Variants in TMEM71 observed in about 807,000 individuals in gnomAD.
TMEM71 encodes transmembrane protein 71.
Under a neutral mutation model 38.0 loss-of-function variants are expected in TMEM71, and 44 were observed. The ratio of observed to expected loss-of-function variants is 1.16; its 90% CI spans 0.91 to 1.49. TMEM71 has a LOEUF of 1.49. TMEM71 is among the 40% of genes most tolerant of loss of function. The probability of loss-of-function intolerance (pLI) is 0.00; values close to 1 mark genes in which losing one functional copy is unlikely to be tolerated. For synonymous variants in TMEM71, 133 were observed against 122.5 expected (o/e 1.09, Z -0.56); for missense variants, 367 against 348.6 (o/e 1.05, Z -0.42).
chr8:132,748,521 G>A (rs573068745), intron 4 of TMEM71, among the ~76,000 whole-genome samples: 1 of 152,254 alleles, frequency 6.6e-6, no homozygotes, highest in African/African-American at 2.4e-5. Flanking sequence ...CTCTGTCATA[G>A]GTTTCAGGAA....
intron 7 of TMEM71, 86 bp from the exon 8 acceptor site, chr8:132,714,301 G>T: frequency 9.9e-7 from 1 of 1,010,250 alleles, no homozygotes; most frequent in Non-Finnish European, 1.5e-6. Context: ...ATAGAATTAT[G>T]ATTTCAAGGT....
intron 9 of TMEM71, among the ~76,000 whole-genome samples, chr8:132,711,999 A>G (rs1219051187): frequency 6.6e-6 from 1 of 152,148 alleles, no homozygotes; most frequent in Non-Finnish European, 1.5e-5. Flanking sequence ...TATAAGAAGG[A>G]GAGGGTTGCA....
chr8:132,765,244 T>C (rs1366700864), upstream of TMEM71, among the ~76,000 whole-genome samples: 2 of 152,196 alleles, frequency 1.3e-5, no homozygotes, highest in Non-Finnish European at 1.5e-5. Flanking sequence ...AAGATGAAAG[T>C]GGAGCTGAAG....
intron 4 of TMEM71, among the ~76,000 whole-genome samples, chr8:132,748,415 C>T (rs1828510893): frequency 6.6e-6 from 1 of 152,198 alleles, no homozygotes. Context: ...CATTAAACAT[C>T]CTACAATGCA....
At chr8:132,740,202 A>G (rs1186083900) in intron 5 of TMEM71, among the ~76,000 whole-genome samples, 1 of 151,280 alleles carries the variant, frequency 6.6e-6, no homozygotes, top group Non-Finnish European at 1.5e-5. Flanking sequence ...ATCCCCCCTC[A>G]CTCACTCAGC....
chr8:132,757,559 T>G (rs2433055), intron 2 of TMEM71, among the ~76,000 whole-genome samples: 61,764 of 151,848 alleles, frequency 0.41, 12,723 homozygotes, highest in Non-Finnish European at 0.44. Flanking sequence ...GGGCGCAGTG[T>G]CTCACTCCTG....
intron 6 of TMEM71, among the ~76,000 whole-genome samples, chr8:132,726,282 T>C (rs1227223334): frequency 6.6e-6 from 1 of 151,842 alleles, no homozygotes; most frequent in Non-Finnish European, 1.5e-5. Flanking sequence ...AAAAAACCCT[T>C]GAACACTTAT....
downstream of TMEM71, among the ~76,000 whole-genome samples, chr8:132,706,437 A>G (rs1385905923): frequency 6.6e-6 from 1 of 152,146 alleles, no homozygotes; most frequent in African/African-American, 2.4e-5. Context: ...CAAAAAATAA[A>G]TGGTGGTTAA....
intron 5 of TMEM71, among the ~76,000 whole-genome samples, chr8:132,733,999 G>C (rs956196000): frequency 2.6e-5 from 4 of 152,120 alleles, no homozygotes; most frequent in Non-Finnish European, 5.9e-5. Context: ...CCAGGGGATA[G>C]GGGTTTGGGT....
chr8:132,715,222 C>T (rs1307803288), intron 7 of TMEM71, among the ~76,000 whole-genome samples: 3 of 150,794 alleles, frequency 2.0e-5, no homozygotes, highest in African/African-American at 7.3e-5. Flanking sequence ...CTGGCTAACA[C>T]GGTGAAACCC....
chr8:132,738,586 T>G (rs1388268728), intron 5 of TMEM71, among the ~76,000 whole-genome samples: 1 of 152,210 alleles, frequency 6.6e-6, no homozygotes, highest in Non-Finnish European at 1.5e-5. Flanking sequence ...ATCATCACCC[T>G]GCTTAAGAGA....
chr8:132,749,453 G>A (rs577165012), intron 4 of TMEM71, among the ~76,000 whole-genome samples: 90 of 152,322 alleles, frequency 5.9e-4, no homozygotes, highest in African/African-American at 2.2e-3. Flanking sequence ...ATTAGGTGTG[G>A]TCATGAGTCT....
In TMEM71 at chr8:132,758,913, T is replaced by C. The variant is rs774300010; in HGVS notation, c.-34A>G. On this transcript the variant is annotated splice_region_variant and 5_prime_UTR_variant, in exon 2 of 10. Transcript: ENST00000677595. ...GGCCGCTTGCTCAAACTTCACAGAT[T>C]CTCTGCAAAAGATGTTAAAAAAAAG... is the stretch of plus-strand genomic sequence containing the variant. The C allele has an allele frequency of 6.2e-7, 1 of 1,605,742 alleles. No homozygotes were observed. The highest frequency in any genetic ancestry group is 1.1e-5 in the South Asian group (1 of 90,800).
chr8:132,743,517 T>A (rs1828165772), intron 5 of TMEM71, among the ~76,000 whole-genome samples: 1 of 152,214 alleles, frequency 6.6e-6, no homozygotes, highest in Non-Finnish European at 1.5e-5. Flanking sequence ...TCCACTCACC[T>A]CCATGAATGC....
Position 132,747,207 on chromosome 8 carries a change from A to C in TMEM71, c.315-93T>G, listed in dbSNP as rs1009240839. ...AGCGCAGAGTACATTTCTACAACCC[A>C]AGTCTGCTCACTGCATTAATTCTAC... On this transcript the variant is annotated intron_variant, in intron 4 of 9. Transcript: ENST00000677595. 101 of 1,096,330 alleles carry C rather than the reference A, an allele frequency of 9.2e-5. 1 individual carries two copies. Among genetic ancestry groups the C allele is most frequent in the Non-Finnish European group, 1.2e-4 (100 of 802,048 alleles). The allele number at this position is 1,096,330 out of a possible 1,614,324, so 67.9% of individuals were successfully genotyped here.
At chr8:132,721,144 T>G (rs1230054520) in intron 7 of TMEM71, among the ~76,000 whole-genome samples, 1 of 152,194 alleles carries the variant, frequency 6.6e-6, no homozygotes, top group Non-Finnish European at 1.5e-5. Context: ...TGGAGGATTC[T>G]AAGAGGCAGA....
intron 3 of TMEM71, among the ~76,000 whole-genome samples, chr8:132,754,777 C>T (rs1186753035): frequency 6.6e-6 from 1 of 151,930 alleles, no homozygotes; most frequent in Non-Finnish European, 1.5e-5. Context: ...ATATGTTATC[C>T]CTGGAATCTC....
intron 7 of TMEM71, 147 bp downstream of exon 7, chr8:132,721,893 G>A (rs751247356): frequency 2.4e-5 from 18 of 746,450 alleles, no homozygotes; most frequent in Non-Finnish European, 3.8e-5. Flanking sequence ...GAGAGATAAA[G>A]GGAAACTTAT....
At chr8:132,763,269 A>G (rs1444998229), upstream of TMEM71, among the ~76,000 whole-genome samples, 1 of 152,238 alleles carries the variant, frequency 6.6e-6, no homozygotes, top group East Asian at 1.9e-4. Context: ...CGTACTCCTC[A>G]GCCAGAACAT....
Sources: gnomAD v4.1 joint callset for allele counts (sites outside exome capture counted in the v4.1 genomes callset) on GRCh38, gnomAD v4.1.1 for gene constraint, MANE v1.5 for transcripts, NCBI Gene and HGNC (gene_info 2026-07-23, HGNC 2026-07-21) for gene names.